KSR2: variants seen among roughly 807,000 people sequenced by gnomAD.
KSR2 encodes the protein kinase suppressor of ras 2.
A neutral mutation model predicts 107.8 loss-of-function variants in KSR2; 25 were observed. That is an observed-to-expected ratio of 0.23 (90% CI 0.17 to 0.32). The LOEUF is 0.32. Ranked by LOEUF, KSR2 falls within the 10% of genes least tolerant of loss-of-function variation. KSR2 has a pLI of 1.00. For missense variants in KSR2, 887 were observed against 1,268.9 expected (o/e 0.70, Z 4.57); for synonymous variants, 480 against 507.0 (o/e 0.95, Z 0.71).
intron 5 of KSR2, among the ~76,000 whole-genome samples, chr12:117,602,710 T>C (rs575186563): frequency 6.2e-4 from 95 of 152,338 alleles, no homozygotes; most frequent in African/African-American, 2.2e-3. Flanking sequence ...CTCCTATGAA[T>C]ATTTGCGTAT....
intron 6 of KSR2, 29 bp downstream of exon 6, chr12:117,582,261 G>A (rs1023703284): frequency 1.3e-6 from 2 of 1,597,716 alleles, no homozygotes; most frequent in Non-Finnish European, 1.7e-6. Flanking sequence ...TGAGAAGTAG[G>A]CACCAGTGCA....
chr12:117,876,397 C>A (rs1175545584), intron 1 of KSR2, among the ~76,000 whole-genome samples: 1 of 152,254 alleles, frequency 6.6e-6, no homozygotes, highest in Non-Finnish European at 1.5e-5. Flanking sequence ...GGCAGAGGGA[C>A]CCAACAGTCT....
chr12:117,519,095 C>T (rs911564939), intron 14 of KSR2, among the ~76,000 whole-genome samples: 47 of 152,300 alleles, frequency 3.1e-4, no homozygotes, highest in African/African-American at 1.1e-3. Context: ...GGCACTGTGC[C>T]GGGGTCCGAT....
intron 12 of KSR2, among the ~76,000 whole-genome samples, chr12:117,527,691 C>T (rs540940046): frequency 1.8e-4 from 27 of 152,264 alleles, no homozygotes; most frequent in Middle Eastern, 6.8e-3. Context: ...GAAACTGGCA[C>T]GGCTTCTGAC....
intron 3 of KSR2, among the ~76,000 whole-genome samples, chr12:117,780,571 A>G (rs1593229150): frequency 1.3e-5 from 2 of 152,196 alleles, no homozygotes; most frequent in Admixed American, 1.3e-4. Flanking sequence ...CTTAATGGCC[A>G]TGGAGTTTCT....
At chr12:117,857,952 C>T (rs1893154122) in intron 2 of KSR2, among the ~76,000 whole-genome samples, 1 of 152,184 alleles carries the variant, frequency 6.6e-6, no homozygotes, top group Non-Finnish European at 1.5e-5. Context: ...ACTCAAGATG[C>T]TCAGTGACTA....
chr12:117,689,027 C>G (rs1205296149), intron 4 of KSR2, among the ~76,000 whole-genome samples: 1 of 152,192 alleles, frequency 6.6e-6, no homozygotes, highest in Non-Finnish European at 1.5e-5. Context: ...TTCCTCCAAC[C>G]CCCTTACTCT....
intron 14 of KSR2, among the ~76,000 whole-genome samples, chr12:117,512,459 G>C (rs1426939548): frequency 1.3e-5 from 2 of 152,154 alleles, no homozygotes; most frequent in Non-Finnish European, 2.9e-5. Context: ...TATCACCTGG[G>C]ATGACTGTTA....
chr12:117,764,126 T>C (rs1035539691), intron 3 of KSR2, among the ~76,000 whole-genome samples: 3 of 152,152 alleles, frequency 2.0e-5, no homozygotes, highest in African/African-American at 7.2e-5. Context: ...TTATTATATA[T>C]TCAGTACAGA....
intron 3 of KSR2, among the ~76,000 whole-genome samples, chr12:117,807,743 G>A (rs1442778584): frequency 6.6e-6 from 1 of 152,214 alleles, no homozygotes; most frequent in East Asian, 1.9e-4. Flanking sequence ...TGAGAATGTG[G>A]TGGTGGAAAA....
At chr12:117,536,049 G>C (rs1477827031) in intron 10 of KSR2, among the ~76,000 whole-genome samples, 4 of 151,896 alleles carry the variant, frequency 2.6e-5, no homozygotes, top group African/African-American at 9.7e-5. Context: ...ATACCACCGA[G>C]GCTGCACACG....
chr12:117,504,528 T>G (rs1873560693), intron 14 of KSR2, among the ~76,000 whole-genome samples: 1 of 152,136 alleles, frequency 6.6e-6, no homozygotes, highest in African/African-American at 2.4e-5. Context: ...CCTTAAAAAT[T>G]CCATAGGCAC....
chr12:117,845,160 G>A (rs143406947), intron 3 of KSR2, among the ~76,000 whole-genome samples: 4 of 152,114 alleles, frequency 2.6e-5, no homozygotes, highest in African/African-American at 4.8e-5. Flanking sequence ...ACAAAAAACC[G>A]GCGTCATAGT....
rs1163992627 is a variant in KSR2, at chr12:117,459,662, A to G, written c.*7537T>C. 1 of 152,234 alleles carries G rather than the reference A, an allele frequency of 6.6e-6. No homozygotes were observed. 9.4% of individuals were successfully genotyped at this position (152,234 alleles called of 1,614,324 possible). A position where few individuals can be genotyped will look rare whatever the true frequency, so the allele number is the denominator to read the frequency against. On this transcript the variant is annotated 3_prime_UTR_variant, in exon 20 of 20. Coordinates refer to ENST00000339824, the MANE Select transcript of KSR2 (RefSeq NM_173598.6). The stretch of plus-strand genomic sequence containing the variant: ...GTGTTACATCTTATATACTTTTCAC[A>G]TTGGCCTCCAAGCCATGGTATGTTG...
intron 14 of KSR2, among the ~76,000 whole-genome samples, chr12:117,518,991 G>A (rs1201621451): frequency 1.3e-5 from 2 of 152,188 alleles, no homozygotes; most frequent in African/African-American, 4.8e-5. Flanking sequence ...GATCTTACGT[G>A]TTTGTTTAAC....
At chr12:117,838,811 ACACT>A (rs1265806478) in intron 3 of KSR2, among the ~76,000 whole-genome samples, 5 of 152,284 alleles carry the variant, frequency 3.3e-5, no homozygotes, top group South Asian at 4.1e-4. Context: ...GTTTTAATTG[ACACT>A]CACTATTTCT....
intron 5 of KSR2, among the ~76,000 whole-genome samples, chr12:117,637,591 C>T (rs998180490): frequency 8.0e-5 from 12 of 149,804 alleles, no homozygotes; most frequent in Non-Finnish European, 1.8e-4. Flanking sequence ...AAGAAGGGCA[C>T]TTGAATCAAT....
rs112876217 is a variant in KSR2 at position 117,790,086 on chromosome 12, C to T, written c.473-28562G>A. On this transcript the variant is annotated intron_variant, in intron 3 of 19. Coordinates refer to ENST00000339824, the MANE Select transcript of KSR2 (RefSeq NM_173598.6). The stretch of plus-strand genomic sequence containing the variant: ...TCCCCAACTCCATACATAGCACTGC[C>T]TTCCACTCCACTGCATGGGACCAAA... Among the ~76,000 whole-genome samples the T allele has an allele frequency of 4.6e-3, 695 of 152,306 alleles. 9 individuals carry two copies. The highest frequency in any genetic ancestry group is 0.016 in the African/African-American group (675 of 41,564).
At chr12:117,601,832 C>A (rs1046298463) in intron 5 of KSR2, among the ~76,000 whole-genome samples, 4 of 152,216 alleles carry the variant, frequency 2.6e-5, no homozygotes, top group African/African-American at 9.7e-5. Context: ...CAGACAAGAG[C>A]CTGCCAACCT....
Sources: allele counts gnomAD v4.1 joint callset (sites outside exome capture counted in the v4.1 genomes callset), GRCh38; gene constraint gnomAD v4.1.1; transcripts MANE v1.5; gene names NCBI Gene and HGNC (gene_info 2026-07-23, HGNC 2026-07-21).